Variants in FUBP3 observed in about 807,000 individuals in gnomAD.
FUBP3 encodes the protein far upstream element binding protein 3.
In FUBP3, 28 loss-of-function variants were observed where a neutral mutation model predicts 85.6. That is an observed-to-expected ratio of 0.33 (90% confidence interval 0.24 to 0.45). The LOEUF (loss-of-function observed/expected upper bound fraction) is 0.45. FUBP3 is among the 20% of genes least tolerant of loss of function. The pLI, the probability that FUBP3 is intolerant of heterozygous loss-of-function variation, is 1.00. For missense variants in FUBP3, 583 were observed against 755.1 expected (o/e 0.77, Z 2.67); for synonymous variants, 271 against 271.4 (o/e 1.00, Z 0.01).
intron 1 of FUBP3, among the ~76,000 whole-genome samples, chr9:130,586,470 C>T (rs753488458): frequency 6.6e-6 from 1 of 152,104 alleles, no homozygotes; most frequent in African/African-American, 2.4e-5. Context: ...GGCGCAGTCT[C>T]AGCTCACTGC....
chr9:130,634,057 T>C (rs1048346552), intron 16 of FUBP3, among the ~76,000 whole-genome samples: 1 of 152,176 alleles, frequency 6.6e-6, no homozygotes, highest in Non-Finnish European at 1.5e-5. Context: ...GTGCTGAGGC[T>C]CTGTTCCCCC....
At chr9:130,607,940 G>C (rs1831544332) in intron 2 of FUBP3, among the ~76,000 whole-genome samples, 1 of 152,222 alleles carries the variant, frequency 6.6e-6, no homozygotes, top group Non-Finnish European at 1.5e-5. Flanking sequence ...CATTATGAGT[G>C]CCTCCACCGT....
chr9:130,620,418 G>A lies in FUBP3; in HGVS notation c.731G>A (p.Arg244His), dbSNP rs1271251654. The A allele has an allele frequency of 8.1e-6, 13 of 1,604,116 alleles. No individual in the cohort carries two copies. The highest frequency in any genetic ancestry group is 4.5e-5 in the East Asian group (2 of 44,388). The change falls in exon 9 of 19, where the codon CGC becomes CAC. Residue 244 changes from arginine (R) to histidine (H), a missense_variant. Arg to His is a conservative substitution (Grantham distance 29). This residue lies in a region of FUBP3 where 404 missense variants were observed against 516.8 expected (regional missense o/e 0.78). Transcript: ENST00000319725. ...GACCAAGCTGACTTTCGGGGTGTAC[G>A]CGGCGATTTCAACTCTCGAATGGGA... ...EKDQADFRGV[R>H]GDFNSRMGGG...
intron 1 of FUBP3, among the ~76,000 whole-genome samples, chr9:130,591,185 C>G (rs1178229528): frequency 4.6e-5 from 7 of 152,158 alleles, no homozygotes; most frequent in African/African-American, 1.2e-4. Flanking sequence ...TGGCTCACGC[C>G]TGTAATCCCA....
chr9:130,631,663 AT>A (rs1359190640), intron 14 of FUBP3, 33 bp downstream of exon 14: 1 of 1,509,986 alleles, frequency 6.6e-7, no homozygotes, highest in African/African-American at 1.4e-5. Flanking sequence ...GCCTGGGAGA[AT>A]TCACTCGCTC....
intron 2 of FUBP3, among the ~76,000 whole-genome samples, chr9:130,597,935 A>C (rs2119032594): frequency 6.6e-6 from 1 of 152,304 alleles, no homozygotes; most frequent in South Asian, 2.1e-4. Context: ...TTGCTATAGG[A>C]GGGCTTCATA....
At chr9:130,624,883 C>T (rs1223826773) in intron 11 of FUBP3, among the ~76,000 whole-genome samples, 1 of 152,078 alleles carries the variant, frequency 6.6e-6, no homozygotes, top group African/African-American at 2.4e-5. Context: ...GTCAGGAGTT[C>T]GAGACCAGCC....
intron 16 of FUBP3, 111 bp from the exon 17 acceptor site, chr9:130,634,556 T>A (rs976901136): frequency 2.6e-6 from 2 of 777,098 alleles, no homozygotes; most frequent in Non-Finnish European, 2.1e-6. Flanking sequence ...CGGAGCCGTG[T>A]GTGGCCAGGA....
At chr9:130,629,614 T>C (rs1830130923) in intron 12 of FUBP3, among the ~76,000 whole-genome samples, 2 of 152,098 alleles carry the variant, frequency 1.3e-5, no homozygotes, top group African/African-American at 2.4e-5. Context: ...TTGGAGTGTT[T>C]GGAGGATTGT....
At chr9:130,633,856 G>A (rs1235995098) in intron 16 of FUBP3, among the ~76,000 whole-genome samples, 1 of 152,230 alleles carries the variant, frequency 6.6e-6, no homozygotes, top group African/African-American at 2.4e-5. Flanking sequence ...GCATTTGGCT[G>A]CATGCTCTCT....
intron 7 of FUBP3, among the ~76,000 whole-genome samples, chr9:130,617,411 A>T (rs1232377463): frequency 6.6e-6 from 1 of 152,182 alleles, no homozygotes; most frequent in Non-Finnish European, 1.5e-5. Context: ...GCCACTCATT[A>T]GCTCTGGACC....
chr9:130,597,876 GGT>G (rs1202250960), intron 2 of FUBP3, among the ~76,000 whole-genome samples: 1 of 152,166 alleles, frequency 6.6e-6, no homozygotes, highest in African/African-American at 2.4e-5. Context: ...CCTAAGACCG[GGT>G]GTTCAGGGAG....
intron 1 of FUBP3, among the ~76,000 whole-genome samples, chr9:130,587,407 G>A (rs898366546): frequency 6.6e-6 from 1 of 152,082 alleles, no homozygotes; most frequent in Non-Finnish European, 1.5e-5. Context: ...GGTGGAATTC[G>A]ATGGAATGGA....
intron 1 of FUBP3, among the ~76,000 whole-genome samples, chr9:130,587,059 T>G (rs1483132781): frequency 1.6e-5 from 2 of 126,478 alleles, no homozygotes; most frequent in African/African-American, 7.7e-5. Context: ...TTTTTTGTTT[T>G]TTTTTTTTGT....
intron 9 of FUBP3, among the ~76,000 whole-genome samples, chr9:130,622,435 C>A (rs1488926214): frequency 6.6e-6 from 1 of 151,842 alleles, no homozygotes. Flanking sequence ...AGTTCAAGAC[C>A]AGCCTGGCCA....
At chr9:130,600,710 T>C (rs929848889) in intron 2 of FUBP3, among the ~76,000 whole-genome samples, 4 of 152,128 alleles carry the variant, frequency 2.6e-5, no homozygotes, top group African/African-American at 9.7e-5. Context: ...TGGTGGCTTA[T>C]GCCTATAATC....
At chr9:130,608,184 C>A (rs879286210) in intron 2 of FUBP3, among the ~76,000 whole-genome samples, 1 of 152,172 alleles carries the variant, frequency 6.6e-6, no homozygotes, top group Admixed American at 6.5e-5. Context: ...ACATCCTTTA[C>A]CAAACAACGC....
intron 3 of FUBP3, among the ~76,000 whole-genome samples, chr9:130,611,753 A>G (rs1831755554): frequency 6.6e-6 from 1 of 151,066 alleles, no homozygotes; most frequent in Admixed American, 6.6e-5. Context: ...TCCACAATAC[A>G]CTTTATGGCA....
At chr9:130,615,623 G>C (rs1346421604) in intron 6 of FUBP3, among the ~76,000 whole-genome samples, 1 of 152,208 alleles carries the variant, frequency 6.6e-6, no homozygotes, top group Non-Finnish European at 1.5e-5. Context: ...GGGCTGTGCT[G>C]TCACAACATT....
Sources: gnomAD v4.1 joint callset for allele counts (sites outside exome capture counted in the v4.1 genomes callset) on GRCh38, gnomAD v4.1.1 for gene constraint, gnomAD v4.1.1 regional missense constraint, MANE v1.5 for transcripts, NCBI Gene and HGNC (gene_info 2026-07-23, HGNC 2026-07-21) for gene names.